The following AHI1 variants were observed in gnomAD, a reference collection of about 807,000 sequenced individuals.
AHI1 encodes jouberin.
A neutral mutation model predicts 149.3 loss-of-function variants in AHI1; 123 were observed. The observed-to-expected ratio is 0.82, with a 90% confidence interval of 0.71 to 0.96. The LOEUF is 0.96. Among genes scored for constraint, AHI1 ranks in the 40% least tolerant of loss-of-function variants. The pLI, the probability that AHI1 is intolerant of heterozygous loss-of-function variation, is 0.00. For missense variants in AHI1, 1,439 were observed against 1,422.7 expected (o/e 1.01, Z -0.18); for synonymous variants, 475 against 459.8 (o/e 1.03, Z -0.42).
chr6:135,461,758 A>G (rs1177874636), intron 8 of AHI1, among the ~76,000 whole-genome samples: 1 of 152,066 alleles, frequency 6.6e-6, no homozygotes, highest in Non-Finnish European at 1.5e-5. Context: ...TTAAGAATGA[A>G]TAAGCTCAAC....
At position 135,451,806 on chromosome 6, in the gene AHI1, G is replaced by A. The variant is rs538640087; in HGVS notation, c.1440+1535C>T. 1.8e-4 allele frequency among the ~76,000 whole-genome samples: 28 copies of A among 151,786 alleles called. No individual in the cohort carries two copies. The East Asian group carries it at 4.1e-3, about 22-fold the overall frequency. On this transcript the variant is annotated intron_variant, in intron 11 of 28. Transcript: ENST00000265602. The stretch of plus-strand genomic sequence containing the variant: ...AATGCAGTTTCTAATAAAACCACAC[G>A]ATGGCACTGTTTACTATGTGAAAGT...
Position 135,318,677 on chromosome 6 carries a change from A to C in AHI1, c.3329-61T>G, listed in dbSNP as rs1027751873. The C allele has an allele frequency of 2.4e-5, 24 of 1,010,288 alleles. No homozygotes were observed. In the Admixed American group the frequency reaches 6.0e-4, roughly 25 times the overall value. 62.6% of individuals were successfully genotyped at this position (1,010,288 alleles called of 1,614,324 possible). Reference sequence around the variant, plus strand: ...GAGGAGCACTGCTCCATGGGGGAAAAACAACGATGGTAGGGGCAAATATGA... The same window carrying C: ...GAGGAGCACTGCTCCATGGGGGAAACACAACGATGGTAGGGGCAAATATGA... On this transcript the variant is annotated intron_variant, in intron 25 of 28. Coordinates refer to ENST00000265602, the MANE Select transcript of AHI1 (RefSeq NM_001134831.2).
chr6:135,359,208 CATTA>C (rs1156315006), intron 23 of AHI1, among the ~76,000 whole-genome samples: 1 of 152,076 alleles, frequency 6.6e-6, no homozygotes, highest in Non-Finnish European at 1.5e-5. Context: ...GTTTTTGTTT[CATTA>C]ATTTTTTGTA....
intron 24 of AHI1, among the ~76,000 whole-genome samples, chr6:135,341,417 A>G (rs1347909050): frequency 6.6e-6 from 1 of 152,024 alleles, no homozygotes; most frequent in Non-Finnish European, 1.5e-5. Context: ...AAAAGTATAA[A>G]CATATAAGTA....
At position 135,448,455 on chromosome 6, in the gene AHI1, A is replaced by G. The variant is rs752280197; in HGVS notation, c.1461T>C (p.Asn487=). ...AGCGAAGTTTTGAGTTGATGTTTGCATTTCCATTGGCTCCCAGAAGCTTAA... is the reference window on the plus strand; with the variant it reads ...AGCGAAGTTTTGAGTTGATGTTTGCGTTTCCATTGGCTCCCAGAAGCTTAA... The part of the protein sequence containing the change: ...AFLKLLGANG[N]ANINSKLRLQ... The change falls in exon 12 of 29, where the codon AAT becomes AAC. Residue 487 remains asparagine (N), a synonymous_variant. Transcript: ENST00000265602. The G allele has an allele frequency of 6.5e-7, 1 of 1,534,234 alleles. No individual in the cohort carries two copies.
intron 8 of AHI1, 94 bp from the exon 9 acceptor site, chr6:135,457,807 A>C: frequency 3.5e-5 from 42 of 1,214,518 alleles, no homozygotes; most frequent in Non-Finnish European, 4.9e-5. Flanking sequence ...TGATGATCTC[A>C]CTGTGTTCAA....
intron 20 of AHI1, among the ~76,000 whole-genome samples, chr6:135,422,643 G>C (rs1265889531): frequency 2.7e-5 from 4 of 150,938 alleles, no homozygotes; most frequent in South Asian, 2.1e-4. Flanking sequence ...ATGTATGTAT[G>C]TATGTATGTA....
intron 14 of AHI1, among the ~76,000 whole-genome samples, chr6:135,439,417 G>C (rs1226355899): frequency 3.3e-5 from 5 of 152,226 alleles, no homozygotes; most frequent in Admixed American, 6.5e-5. Flanking sequence ...CAGACTGGTT[G>C]TCACCCAGTG....
intron 22 of AHI1, among the ~76,000 whole-genome samples, chr6:135,399,828 T>C (rs1055951220): frequency 3.3e-5 from 5 of 151,572 alleles, no homozygotes; most frequent in African/African-American, 9.7e-5. Flanking sequence ...ACGCTCCACA[T>C]ATAGATTACT....
At chr6:135,414,019 A>G (rs759499962) in intron 20 of AHI1, among the ~76,000 whole-genome samples, 5 of 152,216 alleles carry the variant, frequency 3.3e-5, no homozygotes, top group Non-Finnish European at 7.3e-5. Flanking sequence ...ATGGAAATGA[A>G]TATTACCTAG....
chr6:135,491,136 A>T (rs1795196160), intron 4 of AHI1, among the ~76,000 whole-genome samples: 2 of 152,222 alleles, frequency 1.3e-5, no homozygotes, highest in Non-Finnish European at 2.9e-5. Flanking sequence ...TTGCATGAAA[A>T]ATGGCTAAGG....
chr6:135,438,343 C>T (rs1196803153), intron 15 of AHI1, 32 bp downstream of exon 15: 3 of 1,534,490 alleles, frequency 2.0e-6, no homozygotes, highest in African/African-American at 1.4e-5. Context: ...CAGCAAACAG[C>T]ATGCACATAA....
intron 26 of AHI1, among the ~76,000 whole-genome samples, chr6:135,306,078 A>G (rs1004659783): frequency 1.3e-5 from 2 of 152,232 alleles, no homozygotes; most frequent in African/African-American, 2.4e-5. Context: ...TGTAAGTTCC[A>G]TAAGTGCAAG....
At chr6:135,423,622 G>A (rs1313126742) in intron 20 of AHI1, among the ~76,000 whole-genome samples, 1 of 152,040 alleles carries the variant, frequency 6.6e-6, no homozygotes, top group Non-Finnish European at 1.5e-5. Flanking sequence ...CAACTACTTA[G>A]GAAGTACAAA....
chr6:135,395,095 G>A (rs931053861), intron 22 of AHI1, among the ~76,000 whole-genome samples, 199 bp from the exon 23 acceptor site: 8 of 152,018 alleles, frequency 5.3e-5, no homozygotes, highest in African/African-American at 1.7e-4. Flanking sequence ...ATAGTAATTA[G>A]AACATAGCTA....
rs1277503534 is a variant in AHI1 at position 135,466,149 on chromosome 6, T to C, written c.414A>G (p.Thr138=). ...CAGGAGTTTCCGGTTTCAGGTCTTG[T>C]GTAGTCAACTGGGGCACCGTCTTTA... is the stretch of plus-strand genomic sequence containing the variant. The part of the protein sequence containing the change: ...KVIKTVPQLT[T]QDLKPETPEN... The change falls in exon 7 of 29, where the codon ACA becomes ACG. Residue 138 remains threonine (T), a synonymous_variant. Transcript: ENST00000265602. 5.6e-6 allele frequency: 9 copies of C among 1,613,808 alleles called. No individual in the cohort carries two copies. The South Asian group carries it at 7.7e-5, about 14-fold the overall frequency.
intron 5 of AHI1, among the ~76,000 whole-genome samples, chr6:135,473,615 T>C (rs1425889695): frequency 6.6e-6 from 1 of 152,182 alleles, no homozygotes; most frequent in Non-Finnish European, 1.5e-5. Context: ...AACGGACATT[T>C]GACAATGTTG....
chr6:135,473,310 C>T (rs1019099624), intron 5 of AHI1, among the ~76,000 whole-genome samples: 3 of 152,046 alleles, frequency 2.0e-5, no homozygotes, highest in Non-Finnish European at 2.9e-5. Context: ...ATTTATATGC[C>T]TATCTTTATG....
At chr6:135,468,402 A>G (rs894672117) in intron 5 of AHI1, among the ~76,000 whole-genome samples, 1 of 151,988 alleles carries the variant, frequency 6.6e-6, no homozygotes, top group Admixed American at 6.6e-5. Flanking sequence ...GACACAAAAA[A>G]CCCTTCAAAA....
Sources: gnomAD v4.1 joint callset for allele counts (sites outside exome capture counted in the v4.1 genomes callset) on GRCh38, gnomAD v4.1.1 for gene constraint, MANE v1.5 for transcripts, NCBI Gene and HGNC (gene_info 2026-07-23, HGNC 2026-07-21) for gene names.